KRTAP5-11: variants seen among roughly 807,000 people sequenced by gnomAD.
KRTAP5-11 encodes keratin-associated protein 5-11.
For missense variants in KRTAP5-11, 202 were observed against 188.7 expected (o/e 1.07, Z -0.41); for synonymous variants, 88 against 73.0 (o/e 1.21, Z -1.05).
At position 71,582,667 on chromosome 11, in the gene KRTAP5-11, A is replaced by G; in HGVS notation, c.171T>C (p.Cys57=). 1 of 1,613,970 alleles carries G rather than the reference A, an allele frequency of 6.2e-7. No homozygotes were observed. The highest frequency in any genetic ancestry group is 8.5e-7 in the Non-Finnish European group (1 of 1,180,008). Residue 57 remains cysteine (C), a synonymous_variant, in exon 1 of 1, where the codon TGT becomes TGC. Transcript: ENST00000398530. ...CCCCTTTGGAGCCCCCACAGGAGCCACAGCTGGAGCAGGAACAGGCTGGCA... is the reference window on the plus strand; with the variant it reads ...CCCCTTTGGAGCCCCCACAGGAGCCGCAGCTGGAGCAGGAACAGGCTGGCA... ...CCVPACSCSS[C]GSCGGSKGGC...
chr11:71,582,577 G>A lies in KRTAP5-11; in HGVS notation c.261C>T (p.Cys87=), dbSNP rs1950275589. Residue 87 remains cysteine (C), a synonymous_variant, in exon 1 of 1, where the codon TGC becomes TGT. Coordinates refer to ENST00000398530, the MANE Select transcript of KRTAP5-11 (RefSeq NM_001005405.3). The part of the protein sequence containing the change: ...CGSCGCSQSN[C]CKPCCSSSGC... The stretch of plus-strand genomic sequence containing the variant: ...CTGAGGAGGAGCAGCAGGGCTTACA[G>A]CAGTTGGACTGGGAGCAGCCACAAG... 6.2e-7 allele frequency: 1 copy of A among 1,613,868 alleles called. No individual in the cohort carries two copies. Among genetic ancestry groups the A allele is most frequent in the Non-Finnish European group, 8.5e-7 (1 of 1,179,958 alleles).
rs771130429 is a variant in KRTAP5-11 at position 71,582,863 on chromosome 11, A to G, written c.-26T>C. The G allele has an allele frequency of 1.9e-6, 3 of 1,613,770 alleles. No individual in the cohort carries two copies. The highest frequency in any genetic ancestry group is 2.5e-6 in the Non-Finnish European group (3 of 1,179,974). Reference sequence around the variant, plus strand: ...GATTCTGGCGGATTGAGAGTAGAGCAGGTAGAGGAGCAGGTGAGAGGGAGG... The same window carrying G: ...GATTCTGGCGGATTGAGAGTAGAGCGGGTAGAGGAGCAGGTGAGAGGGAGG... On this transcript the variant is annotated 5_prime_UTR_variant, in exon 1 of 1. Coordinates refer to ENST00000398530, the MANE Select transcript of KRTAP5-11 (RefSeq NM_001005405.3).
At position 71,582,560 on chromosome 11, in the gene KRTAP5-11, G is replaced by C. The variant is rs745984951; in HGVS notation, c.278C>G (p.Ser93Cys). 7 of 1,613,612 alleles carry C rather than the reference G, an allele frequency of 4.3e-6. No homozygotes were observed. Among genetic ancestry groups the C allele is most frequent in the South Asian group, 3.3e-5 (3 of 91,078 alleles). The part of the protein sequence containing the change: ...SQSNCCKPCC[S>C]SSGCGSFCCQ... ...GCAGAATGACCCACAGCCTGAGGAG[G>C]AGCAGCAGGGCTTACAGCAGTTGGA... Residue 93 changes from serine to cysteine, a missense_variant, in exon 1 of 1, where the codon TCC becomes TGC. Coordinates refer to ENST00000398530, the MANE Select transcript of KRTAP5-11 (RefSeq NM_001005405.3).
In KRTAP5-11 at chr11:71,582,224, C is replaced by T. The variant is rs1371988794; in HGVS notation, c.*143G>A. 3.3e-6 allele frequency: 5 copies of T among 1,533,422 alleles called. No individual in the cohort carries two copies. Among genetic ancestry groups the T allele is most frequent in the African/African-American group, 1.4e-5 (1 of 72,778 alleles). 95.0% of individuals were successfully genotyped at this position (1,533,422 alleles called of 1,614,324 possible). ...AGGCAGGGCCTAGAGGAGAGCCGAG[C>T]CATGGAAAGAGGTGCATGCATGGAT... On this transcript the variant is annotated 3_prime_UTR_variant, in exon 1 of 1. Coordinates refer to ENST00000398530, the MANE Select transcript of KRTAP5-11 (RefSeq NM_001005405.3).
Position 71,582,233 on chromosome 11 carries a change from G to C in KRTAP5-11, c.*134C>G. The C allele has an allele frequency of 3.2e-6, 5 of 1,548,128 alleles. No individual in the cohort carries two copies. The highest frequency in any genetic ancestry group is 3.5e-6 in the Non-Finnish European group (4 of 1,142,930). On this transcript the variant is annotated 3_prime_UTR_variant, in exon 1 of 1. Coordinates refer to ENST00000398530, the MANE Select transcript of KRTAP5-11 (RefSeq NM_001005405.3). ...CTAGAGGAGAGCCGAGCCATGGAAAGAGGTGCATGCATGGATGATGAGCTA... is the reference window on the plus strand; with the variant it reads ...CTAGAGGAGAGCCGAGCCATGGAAACAGGTGCATGCATGGATGATGAGCTA...
rs1454055260 is a variant in KRTAP5-11 at position 71,582,436 on chromosome 11, A to G, written c.402T>C (p.Ser134=). Residue 134 remains serine (S), a synonymous_variant, in exon 1 of 1, where the codon TCT becomes TCC. Transcript: ENST00000398530. ...PCCCQSSCCQ[S]SCFKPCCCQS... is the part of the protein sequence containing the mutation. ...GGCAGCAGCAGGGCTTGAAGCAGCT[A>G]GACTGGCAGCAGCTGGATTGGCAGC... The G allele has an allele frequency of 3.7e-6, 6 of 1,613,636 alleles. No homozygotes were observed. The African/African-American group carries it at 6.7e-5, about 18-fold the overall frequency.
rs1950273270 is a variant in KRTAP5-11, at chr11:71,582,279, G to T, written c.*88C>A. 1 of 1,597,404 alleles carries T rather than the reference G, an allele frequency of 6.3e-7. No individual in the cohort carries two copies. Among genetic ancestry groups the T allele is most frequent in the African/African-American group, 1.3e-5 (1 of 74,570 alleles). ...AGCTAGAGCAGGTGCAGGTGCCTCA[G>T]GATGATGTGTGGGATGAACTGATTC... On this transcript the variant is annotated 3_prime_UTR_variant, in exon 1 of 1. Transcript: ENST00000398530.
rs1350685043 is a variant in KRTAP5-11, at chr11:71,582,601, A to G, written c.237T>C (p.Ser79=). The G allele has an allele frequency of 2.5e-6, 4 of 1,614,100 alleles. No individual in the cohort carries two copies. Among genetic ancestry groups the G allele is most frequent in the Non-Finnish European group, 3.4e-6 (4 of 1,179,976 alleles). The part of the protein sequence containing the change: ...SCGSSKGGCG[S]CGCSQSNCCK... ...AGCAGTTGGACTGGGAGCAGCCACA[A>G]GAACCACACCCACCCTTGGAGCTCC... is the stretch of plus-strand genomic sequence containing the variant. Residue 79 remains serine (S), a synonymous_variant, in exon 1 of 1, where the codon TCT becomes TCC. Coordinates refer to ENST00000398530, the MANE Select transcript of KRTAP5-11 (RefSeq NM_001005405.3).
chr11:71,582,539 A>G lies in KRTAP5-11; in HGVS notation c.299T>C (p.Phe100Ser). Residue 100 changes from phenylalanine to serine, a missense_variant, in exon 1 of 1, where the codon TTC becomes TCC. Physicochemically the swap from Phe to Ser is radical, Grantham distance 155 (BLOSUM62 -2). Coordinates refer to ENST00000398530, the MANE Select transcript of KRTAP5-11 (RefSeq NM_001005405.3). ...TTTGGAGCAGCTGGACTGGCAGCAG[A>G]ATGACCCACAGCCTGAGGAGGAGCA... ...PCCSSSGCGS[F>S]CCQSSCSKPC... 1 of 1,613,428 alleles carries G rather than the reference A, an allele frequency of 6.2e-7. No homozygotes were observed. The highest frequency in any genetic ancestry group is 8.5e-7 in the Non-Finnish European group (1 of 1,179,800).
At position 71,582,314 on chromosome 11, in the gene KRTAP5-11, A is replaced by T; in HGVS notation, c.*53T>A. 6.2e-7 allele frequency: 1 copy of T among 1,612,558 alleles called. No individual in the cohort carries two copies. Among genetic ancestry groups the T allele is most frequent in the Non-Finnish European group, 8.5e-7 (1 of 1,178,846 alleles). On this transcript the variant is annotated 3_prime_UTR_variant, in exon 1 of 1. Coordinates refer to ENST00000398530, the MANE Select transcript of KRTAP5-11 (RefSeq NM_001005405.3). Reference sequence around the variant, plus strand: ...TGGGATGAACTGATTCAGAGAAACCATAAGAAATGCTTTCACCAAAGAGGA... The same window carrying T: ...TGGGATGAACTGATTCAGAGAAACCTTAAGAAATGCTTTCACCAAAGAGGA...
chr11:71,582,806 C>T lies in KRTAP5-11; in HGVS notation c.32G>A (p.Gly11Asp), dbSNP rs765606590. The change falls in exon 1 of 1, where the codon GGC becomes GAC. Residue 11 changes from glycine to aspartate, a missense_variant. Physicochemically the swap from Gly to Asp is moderately conservative, Grantham distance 94 (BLOSUM62 -1). Coordinates refer to ENST00000398530, the MANE Select transcript of KRTAP5-11 (RefSeq NM_001005405.3). MGCCGCSGGCGSGCGGCGSGS... is the reference protein window; with the variant it reads MGCCGCSGGCDSGCGGCGSGS... ...GGAGCCACAGCCCCCACAGCCAGAGCCACAGCCTCCAGAACAGCCACAGCA... is the reference window on the plus strand; with the variant it reads ...GGAGCCACAGCCCCCACAGCCAGAGTCACAGCCTCCAGAACAGCCACAGCA... The T allele has an allele frequency of 6.2e-7, 1 of 1,607,996 alleles. No homozygotes were observed. The highest frequency in any genetic ancestry group is 8.5e-7 in the Non-Finnish European group (1 of 1,178,692).
At position 71,582,335 on chromosome 11, in the gene KRTAP5-11, G is replaced by T. The variant is rs1950273530; in HGVS notation, c.*32C>A. On this transcript the variant is annotated 3_prime_UTR_variant, in exon 1 of 1. Coordinates refer to ENST00000398530, the MANE Select transcript of KRTAP5-11 (RefSeq NM_001005405.3). ...AACCATAAGAAATGCTTTCACCAAA[G>T]AGGAGAAACCTGAAGGTCTGGGTCC... The T allele has an allele frequency of 1.2e-6, 2 of 1,613,792 alleles. No individual in the cohort carries two copies. Among genetic ancestry groups the T allele is most frequent in the South Asian group, 2.2e-5 (2 of 91,074 alleles).
rs781047529 is a variant in KRTAP5-11 at position 71,582,834 on chromosome 11, C to T, written c.4G>A (p.Gly2Ser). ...CAGCCTCCAGAACAGCCACAGCAGC[C>T]CATGATTCTGGCGGATTGAGAGTAG... M[G>S]CCGCSGGCGS... is the part of the protein sequence containing the mutation. The change falls in exon 1 of 1, where the codon GGC (glycine) becomes AGC (serine). Residue 2 changes from glycine to serine, a missense_variant. By Grantham distance (56) the Gly-to-Ser change is moderately conservative (BLOSUM62 0). Coordinates refer to ENST00000398530, the MANE Select transcript of KRTAP5-11 (RefSeq NM_001005405.3). 7.4e-6 allele frequency: 12 copies of T among 1,613,784 alleles called. No homozygotes were observed. The Admixed American group carries it at 1.0e-4, about 13-fold the overall frequency.
At position 71,582,349 on chromosome 11, in the gene KRTAP5-11, A is replaced by G; in HGVS notation, c.*18T>C. On this transcript the variant is annotated 3_prime_UTR_variant, in exon 1 of 1. Transcript: ENST00000398530. ...CTTTCACCAAAGAGGAGAAACCTGA[A>G]GGTCTGGGTCCAGAGCCTCAGATCT... 1.2e-6 allele frequency: 2 copies of G among 1,614,186 alleles called. No homozygotes were observed. Among genetic ancestry groups the G allele is most frequent in the East Asian group, 2.2e-5 (1 of 44,882 alleles).
rs868425445 is a variant in KRTAP5-11, at chr11:71,582,267, G to T, written c.*100C>A. 1.9e-6 allele frequency: 3 copies of T among 1,588,660 alleles called. No homozygotes were observed. The highest frequency in any genetic ancestry group is 3.6e-4 in the Middle Eastern group (2 of 5,628). ...GCATGGATGATGAGCTAGAGCAGGT[G>T]CAGGTGCCTCAGGATGATGTGTGGG... On this transcript the variant is annotated 3_prime_UTR_variant, in exon 1 of 1. Transcript: ENST00000398530.
Position 71,581,978 on chromosome 11 carries a change from G to A in KRTAP5-11, c.*389C>T. 3.5e-6 allele frequency: 1 copy of A among 284,372 alleles called. No homozygotes were observed. Among genetic ancestry groups the A allele is most frequent in the Non-Finnish European group, 6.7e-6 (1 of 149,488 alleles). The allele number at this position is 284,372 out of a possible 1,614,324, so 17.6% of individuals were successfully genotyped here. ...CAGGTGGGTCACAGGAGAACAGGCA[G>A]CAGCCCAGGAGGACCCAGAATCCCA... On this transcript the variant is annotated 3_prime_UTR_variant, in exon 1 of 1. Coordinates refer to ENST00000398530, the MANE Select transcript of KRTAP5-11 (RefSeq NM_001005405.3).
At position 71,582,161 on chromosome 11, in the gene KRTAP5-11, C is replaced by A; in HGVS notation, c.*206G>T. On this transcript the variant is annotated 3_prime_UTR_variant, in exon 1 of 1. Transcript: ENST00000398530. ...GGCGTCCAGGGAAGAACACCTCCTG[C>A]ATCAAGGAAACACATGTTTCCGGAG... 5.5e-6 allele frequency: 6 copies of A among 1,098,234 alleles called. No individual in the cohort carries two copies. Among genetic ancestry groups the A allele is most frequent in the Non-Finnish European group, 7.7e-6 (6 of 774,374 alleles). 68.0% of individuals were successfully genotyped at this position (1,098,234 alleles called of 1,614,324 possible). A position where few individuals can be genotyped will look rare whatever the true frequency, so the allele number is the denominator to read the frequency against.
Position 71,582,110 on chromosome 11 carries a change from C to A in KRTAP5-11, c.*257G>T. On this transcript the variant is annotated 3_prime_UTR_variant, in exon 1 of 1. Coordinates refer to ENST00000398530, the MANE Select transcript of KRTAP5-11 (RefSeq NM_001005405.3). Reference sequence around the variant, plus strand: ...AGCCCAGGGAGAAGAAGAAGATGGTCCACACCCAAGTGCAGGGAACACCAT... The same window carrying A: ...AGCCCAGGGAGAAGAAGAAGATGGTACACACCCAAGTGCAGGGAACACCAT... 1.4e-6 allele frequency: 1 copy of A among 718,052 alleles called. No individual in the cohort carries two copies. Among genetic ancestry groups the A allele is most frequent in the East Asian group, 2.9e-5 (1 of 33,942 alleles). The allele number at this position is 718,052 out of a possible 1,614,324, so 44.5% of individuals were successfully genotyped here. A position where few individuals can be genotyped will look rare whatever the true frequency, so the allele number is the denominator to read the frequency against.
At position 71,582,145 on chromosome 11, in the gene KRTAP5-11, G is replaced by A. The variant is rs1591165755; in HGVS notation, c.*222C>T. On this transcript the variant is annotated 3_prime_UTR_variant, in exon 1 of 1. Coordinates refer to ENST00000398530, the MANE Select transcript of KRTAP5-11 (RefSeq NM_001005405.3). ...GTGCAGGGAACACCATGGCGTCCAGGGAAGAACACCTCCTGCATCAAGGAA... is the reference window on the plus strand; with the variant it reads ...GTGCAGGGAACACCATGGCGTCCAGAGAAGAACACCTCCTGCATCAAGGAA... 4 of 963,760 alleles carry A rather than the reference G, an allele frequency of 4.2e-6. No individual in the cohort carries two copies. The East Asian group carries it at 1.1e-4, about 26-fold the overall frequency. 59.7% of individuals were successfully genotyped at this position (963,760 alleles called of 1,614,324 possible).
Sources: allele counts gnomAD v4.1 joint callset, GRCh38; gene constraint gnomAD v4.1.1; transcripts MANE v1.5; gene names NCBI Gene and HGNC (gene_info 2026-07-23, HGNC 2026-07-21).